The following CNIH3 variants were observed in gnomAD, a reference collection of about 807,000 sequenced individuals.
CNIH3 encodes the protein cornichon family AMPA receptor auxiliary protein 3.
A neutral mutation model predicts 24.1 loss-of-function variants in CNIH3; 14 were observed. That is an observed-to-expected ratio of 0.58 (90% CI 0.38 to 0.91). The LOEUF (loss-of-function observed/expected upper bound fraction) is 0.91, where lower values mean the gene tolerates loss of function less well. Among genes scored for constraint, CNIH3 ranks in the 40% least tolerant of loss-of-function variants. CNIH3 has a pLI of 0.00. For synonymous variants in CNIH3, 68 were observed against 73.8 expected, an observed-to-expected ratio of 0.92 and a Z score of 0.40; for missense variants, 178 against 196.8, an observed-to-expected ratio of 0.90 and a Z score of 0.57.
At chr1:224,463,511 C>T (rs1051103400) in intron 1 of CNIH3, among the ~76,000 whole-genome samples, 10 of 151,260 alleles carry the variant, frequency 6.6e-5, no homozygotes, top group Non-Finnish European at 1.0e-4. Flanking sequence ...CAGGTTCAAG[C>T]GATGCTTTTG....
intron 1 of CNIH3, among the ~76,000 whole-genome samples, chr1:224,650,827 G>GC (rs1271818719): frequency 6.6e-6 from 1 of 152,162 alleles, no homozygotes; most frequent in Non-Finnish European, 1.5e-5. Flanking sequence ...CTCTGGTGGA[G>GC]CCCCCTGTTG....
rs572916995 is a variant in CNIH3 at position 224,616,478 on chromosome 1, C to T, written c.-697C>T. 4 of 988,004 alleles carry T rather than the reference C, an allele frequency of 4.0e-6. No individual in the cohort carries two copies. Among genetic ancestry groups the T allele is most frequent in the East Asian group, 1.1e-4 (1 of 8,874 alleles). 61.2% of individuals were successfully genotyped at this position (988,004 alleles called of 1,614,324 possible). A position where few individuals can be genotyped will look rare whatever the true frequency, so the allele number is the denominator to read the frequency against. On this transcript the variant is annotated 5_prime_UTR_variant, in exon 1 of 6. Transcript: ENST00000272133. ...GGTCCGACCCCCGGTTTCCGGGACA[C>T]TTGGGTTGCGGAGGCCGGCTGGCCG...
intron 2 of CNIH3, among the ~76,000 whole-genome samples, chr1:224,528,495 A>T (rs1043122444): frequency 1.3e-5 from 2 of 151,810 alleles, no homozygotes; most frequent in Admixed American, 6.6e-5. Flanking sequence ...AATTAAAAAA[A>T]TTTTTTTAGA....
At chr1:224,555,802 C>T (rs1680112618) in intron 3 of CNIH3, among the ~76,000 whole-genome samples, 1 of 152,134 alleles carries the variant, frequency 6.6e-6, no homozygotes, top group African/African-American at 2.4e-5. Context: ...CAAACCTTTC[C>T]CTTGCCCTTG....
At chr1:224,447,082 G>C (rs1675198243) in intron 1 of CNIH3, among the ~76,000 whole-genome samples, 1 of 152,188 alleles carries the variant, frequency 6.6e-6, no homozygotes, top group Non-Finnish European at 1.5e-5. Context: ...GATAGATCTA[G>C]ATCTATAGAT....
At chr1:224,449,960 A>AAC (rs971119191) in intron 1 of CNIH3, among the ~76,000 whole-genome samples, 14 of 151,196 alleles carry the variant, frequency 9.3e-5, no homozygotes, top group South Asian at 2.1e-4. Context: ...TCATTCTTTC[A>AAC]ACACACACAC....
chr1:224,522,733 A>G (rs1268884528), intron 2 of CNIH3, among the ~76,000 whole-genome samples: 1 of 152,228 alleles, frequency 6.6e-6, no homozygotes, highest in Admixed American at 6.5e-5. Context: ...GAGAACAGCT[A>G]AAACCTAAAA....
chr1:224,587,951 A>AC (rs987389266), intron 5 of CNIH3, among the ~76,000 whole-genome samples: 18 of 151,976 alleles, frequency 1.2e-4, no homozygotes, highest in South Asian at 1.0e-3. Context: ...CATTAAAAAA[A>AC]AAAACAAAAC....
At chr1:224,588,968 G>GTTTTTTTTGTT (rs1553271532), downstream of CNIH3, among the ~76,000 whole-genome samples, 3 of 112,346 alleles carry the variant, frequency 2.7e-5, no homozygotes, top group Admixed American at 9.8e-5. Context: ...CTGACCCCCT[G>GTTTTTTTTGTT]TTTTTTTTTT....
At chr1:224,672,863 A>T (rs554251580) in intron 1 of CNIH3, among the ~76,000 whole-genome samples, 1 of 152,286 alleles carries the variant, frequency 6.6e-6, no homozygotes, top group South Asian at 2.1e-4. Context: ...AGCTGTCCCT[A>T]TTCAAAATTG....
intron 3 of CNIH3, among the ~76,000 whole-genome samples, chr1:224,720,634 C>T (rs899890234): frequency 6.6e-6 from 1 of 152,158 alleles, no homozygotes; most frequent in African/African-American, 2.4e-5. Context: ...TGTCGAGGCT[C>T]ATTATCATCT....
chr1:224,558,821 C>A (rs1216315185), intron 3 of CNIH3, among the ~76,000 whole-genome samples: 1 of 152,210 alleles, frequency 6.6e-6, no homozygotes, highest in Non-Finnish European at 1.5e-5. Context: ...TCCTACTTCA[C>A]ATTTTCATTT....
intron 1 of CNIH3, among the ~76,000 whole-genome samples, chr1:224,648,546 G>C (rs555595997): frequency 6.6e-6 from 1 of 152,266 alleles, no homozygotes; most frequent in East Asian, 1.9e-4. Flanking sequence ...TTCGTGCCAG[G>C]TACTGTAATA....
chr1:224,647,662 C>T (rs987850570), intron 1 of CNIH3, among the ~76,000 whole-genome samples: 1 of 152,172 alleles, frequency 6.6e-6, no homozygotes, highest in African/African-American at 2.4e-5. Context: ...GTGTGTTAAC[C>T]CCACTTCTAG....
At chr1:224,506,493 C>T (rs182340662) in intron 1 of CNIH3, among the ~76,000 whole-genome samples, 15 of 152,306 alleles carry the variant, frequency 9.8e-5, no homozygotes, top group Admixed American at 9.1e-4. Context: ...TGGCAGTCCC[C>T]GCTGCTCAGT....
intron 1 of CNIH3, among the ~76,000 whole-genome samples, chr1:224,464,331 A>ATGTT (rs1380016150): frequency 6.6e-6 from 1 of 150,950 alleles, no homozygotes; most frequent in African/African-American, 2.4e-5. Flanking sequence ...GGGTCTCTAT[A>ATGTT]TGTTGCCCAG....
intron 2 of CNIH3, among the ~76,000 whole-genome samples, chr1:224,531,422 C>G (rs889544662): frequency 3.3e-5 from 5 of 152,296 alleles, no homozygotes; most frequent in Non-Finnish European, 7.4e-5. Context: ...AAGACCCCAC[C>G]TACGGTGTCT....
intron 2 of CNIH3, among the ~76,000 whole-genome samples, chr1:224,527,760 T>C (rs1678900204): frequency 6.6e-6 from 1 of 152,174 alleles, no homozygotes; most frequent in African/African-American, 2.4e-5. Context: ...ATTACCCTGA[T>C]CTAATCACTG....
chr1:224,712,038 G>C (rs1364314335), intron 3 of CNIH3, among the ~76,000 whole-genome samples: 1 of 152,052 alleles, frequency 6.6e-6, no homozygotes, highest in Non-Finnish European at 1.5e-5. Flanking sequence ...CTATTGCCCT[G>C]GTTCTCACTA....
Sources: allele counts gnomAD v4.1 joint callset (sites outside exome capture counted in the v4.1 genomes callset), GRCh38; gene constraint gnomAD v4.1.1; transcripts MANE v1.5; gene names NCBI Gene and HGNC (gene_info 2026-07-23, HGNC 2026-07-21).